CNKSR2: variants seen among roughly 807,000 people sequenced by gnomAD.
The protein encoded by CNKSR2 is connector enhancer of kinase suppressor of Ras 2, also known as CNK homolog protein 2.
In CNKSR2, 14 loss-of-function variants were observed where a neutral mutation model predicts 84.4. That is an observed-to-expected ratio of 0.17 (90% CI 0.11 to 0.26). The LOEUF is 0.26. Among genes scored for constraint, CNKSR2 ranks in the 10% least tolerant of loss-of-function variants. The pLI is 1.00. For missense variants in CNKSR2, 485 were observed against 771.2 expected, an observed-to-expected ratio of 0.63 and a Z score of 4.40; for synonymous variants, 275 against 277.9, an observed-to-expected ratio of 0.99 and a Z score of 0.10.
intron 1 of CNKSR2, among the ~76,000 whole-genome samples, chrX:21,414,939 T>C (rs920538704): frequency 9.0e-6 from 1 of 111,680 alleles, no homozygotes; most frequent in Non-Finnish European, 1.9e-5. Flanking sequence ...CACCATGCTG[T>C]CTTGTTTACT....
At chrX:21,398,637 G>A (rs998535340) in intron 1 of CNKSR2, among the ~76,000 whole-genome samples, 4 of 112,034 alleles carry the variant, frequency 3.6e-5, no homozygotes, top group Non-Finnish European at 5.6e-5. Flanking sequence ...TCTGGGGCCA[G>A]TAGGAAAAGT....
At chrX:21,376,121 G>A (rs2089811264) in intron 1 of CNKSR2, among the ~76,000 whole-genome samples, 1 of 112,521 alleles carries the variant, frequency 8.9e-6, no homozygotes, top group African/African-American at 3.2e-5. Flanking sequence ...CCGTTCCTAC[G>A]ATGAAGGAGC....
chrX:21,469,939 A>G (rs2091177258), intron 4 of CNKSR2, among the ~76,000 whole-genome samples: 1 of 112,275 alleles, frequency 8.9e-6, no homozygotes, highest in African/African-American at 3.2e-5. Context: ...AAATAGTGAC[A>G]TTAATACATG....
At chrX:21,589,826 G>T (rs774401305) in intron 13 of CNKSR2, among the ~76,000 whole-genome samples, 1 of 111,394 alleles carries the variant, frequency 9.0e-6, no homozygotes, top group Admixed American at 9.6e-5. Flanking sequence ...AGAAATACAG[G>T]CACAAGAGGG....
chrX:21,642,413 T>C (rs1412773553), intron 20 of CNKSR2: 5 of 749,762 alleles, frequency 6.7e-6, no homozygotes, highest in Non-Finnish European at 7.9e-6. Context: ...GTTTCATTTT[T>C]GAAAAGTATT....
chrX:21,640,041 C>T (rs779791910), intron 20 of CNKSR2, among the ~76,000 whole-genome samples: 7 of 111,658 alleles, frequency 6.3e-5, no homozygotes, highest in Non-Finnish European at 1.3e-4. Context: ...AATAGTACTT[C>T]TCCCTCCACC....
chrX:21,585,946 G>C (rs1324537377), intron 13 of CNKSR2, among the ~76,000 whole-genome samples: 1 of 111,573 alleles, frequency 9.0e-6, no homozygotes, highest in Admixed American at 9.5e-5. Flanking sequence ...AGCGTTACAA[G>C]CTTGTGCTTT....
intron 1 of CNKSR2, among the ~76,000 whole-genome samples, chrX:21,410,015 CAT>C (rs1334112399): frequency 1.9e-5 from 2 of 103,457 alleles, no homozygotes; most frequent in Non-Finnish European, 3.9e-5. Context: ...AATCTAGAAA[CAT>C]AAGCCTAATT....
chrX:21,638,638 T>C (rs1310670914), intron 20 of CNKSR2, among the ~76,000 whole-genome samples: 1 of 111,684 alleles, frequency 9.0e-6, no homozygotes, highest in Admixed American at 9.6e-5. Flanking sequence ...AATAAATATT[T>C]ATTAAATAAT....
At chrX:21,478,994 T>C (rs1200506218) in intron 5 of CNKSR2, among the ~76,000 whole-genome samples, 1 of 111,797 alleles carries the variant, frequency 8.9e-6, no homozygotes, top group Non-Finnish European at 1.9e-5. Flanking sequence ...GGGCTTTTAG[T>C]GTAGCCATCA....
chrX:21,601,739 C>A (rs2092483540), intron 18 of CNKSR2, among the ~76,000 whole-genome samples: 1 of 112,217 alleles, frequency 8.9e-6, no homozygotes, highest in Admixed American at 9.5e-5. Context: ...ATGATCTTTT[C>A]TTTCTTAAAT....
chrX:21,374,612 A>AGCC lies in CNKSR2; in HGVS notation c.-284_-283insCGC. On this transcript the variant is annotated 5_prime_UTR_variant, in exon 1 of 22. Coordinates refer to ENST00000379510, the MANE Select transcript of CNKSR2 (RefSeq NM_014927.5). Reference sequence around the variant, plus strand: ...CGGCGGAGGCAGCAGCAGCAGCAGCAGCAGCAGCAGCAGCAGCAGCCGCCG... The same window carrying AGCC: ...CGGCGGAGGCAGCAGCAGCAGCAGCAGCCGCAGCAGCAGCAGCAGCAGCCGCCG... The AGCC allele has an allele frequency of 3.4e-5, 17 of 501,431 alleles. No individual in the cohort carries two copies. The South Asian group carries it at 4.3e-4, about 13-fold the overall frequency. The allele number at this position is 501,431 out of a possible 1,213,427, so 41.3% of individuals were successfully genotyped here. A position where few individuals can be genotyped will look rare whatever the true frequency, so the allele number is the denominator to read the frequency against.
At chrX:21,481,006 A>C (rs1408174583) in intron 5 of CNKSR2, among the ~76,000 whole-genome samples, 2 of 112,128 alleles carry the variant, frequency 1.8e-5, no homozygotes, top group Non-Finnish European at 3.8e-5. Flanking sequence ...AGTGACCTTG[A>C]GCAAGTTTTT....
intron 4 of CNKSR2, among the ~76,000 whole-genome samples, chrX:21,455,494 T>C (rs1428712271): frequency 8.9e-6 from 1 of 112,311 alleles, no homozygotes; most frequent in Non-Finnish European, 1.9e-5. Flanking sequence ...ATGAAACTTT[T>C]ATACCCAAAG....
chrX:21,473,666 A>C (rs2091224691), intron 5 of CNKSR2, among the ~76,000 whole-genome samples: 1 of 107,468 alleles, frequency 9.3e-6, no homozygotes, highest in Non-Finnish European at 1.9e-5. Flanking sequence ...ACAGAGCTTT[A>C]TAATCTGGTA....
At position 21,555,161 on chromosome X, in the gene CNKSR2, G is replaced by T. The variant is rs2092128354; in HGVS notation, c.1304-6310G>T. Among the ~76,000 whole-genome samples the T allele has an allele frequency of 3.6e-5, 4 of 110,857 alleles. No homozygotes were observed. The South Asian group carries it at 1.5e-3, about 42-fold the overall frequency. ...GCATGTATGTCTTCTTTTGAAAAGT[G>T]TCTGTTCATGTCCTTTGCCCACTTT... On this transcript the variant is annotated intron_variant, in intron 11 of 21. Coordinates refer to ENST00000379510, the MANE Select transcript of CNKSR2 (RefSeq NM_014927.5).
Position 21,601,334 on chromosome X carries a change from A to T in CNKSR2, c.2029A>T (p.Ile677Phe). 1 of 1,148,771 alleles carries T rather than the reference A, an allele frequency of 8.7e-7. No homozygotes were observed. Among genetic ancestry groups the T allele is most frequent in the South Asian group, 2.0e-5 (1 of 51,161 alleles). 94.7% of individuals were successfully genotyped at this position (1,148,771 alleles called of 1,213,427 possible). A position where few individuals can be genotyped will look rare whatever the true frequency, so the allele number is the denominator to read the frequency against. ...TGCAGGATATGCAGAAAGAGAGAGGATTAAGCAGGAACAAGGTAAAGGAAT... is the reference window on the plus strand; with the variant it reads ...TGCAGGATATGCAGAAAGAGAGAGGTTTAAGCAGGAACAAGGTAAAGGAAT... The part of the protein sequence containing the change: ...LTAGYAERER[I>F]KQEQDYWSES... Residue 677 changes from isoleucine to phenylalanine, a missense_variant, in exon 18 of 22, where the codon ATT (isoleucine) becomes TTT (phenylalanine). Physicochemically the swap from Ile to Phe is conservative, Grantham distance 21. This residue lies in a region of CNKSR2 where 210 missense variants were observed against 291.5 expected (regional missense o/e 0.72). Transcript: ENST00000379510.
intron 20 of CNKSR2, among the ~76,000 whole-genome samples, chrX:21,611,619 T>C (rs960989059): frequency 1.8e-5 from 2 of 112,057 alleles, no homozygotes; most frequent in Admixed American, 1.9e-4. Flanking sequence ...AGATTATCTT[T>C]TTTGTTGTTT....
chrX:21,480,652 G>C (rs1259342425), intron 5 of CNKSR2, among the ~76,000 whole-genome samples: 1 of 111,602 alleles, frequency 9.0e-6, no homozygotes, highest in Admixed American at 9.5e-5. Context: ...AGAAGTGAGA[G>C]TAGTGGTGGA....
Sources: allele counts gnomAD v4.1 joint callset (sites outside exome capture counted in the v4.1 genomes callset), GRCh38; gene constraint gnomAD v4.1.1; regional missense constraint gnomAD v4.1.1; transcripts MANE v1.5; gene names NCBI Gene and HGNC (gene_info 2026-07-23, HGNC 2026-07-21).